Variants in SDK1 observed in about 807,000 individuals in gnomAD.
SDK1 encodes the protein sidekick cell adhesion molecule 1.
Under a neutral mutation model 245.5 loss-of-function variants are expected in SDK1, and 157 were observed. The ratio of observed to expected loss-of-function variants is 0.64; its 90% CI spans 0.56 to 0.73. SDK1 has a LOEUF of 0.73. Among genes scored for constraint, SDK1 ranks in the 30% least tolerant of loss-of-function variants. The pLI is 0.00. For synonymous variants in SDK1, 1,647 were observed against 1,278.5 expected (o/e 1.29, Z -6.15); for missense variants, 3,583 against 3,002.3 (o/e 1.19, Z -4.52).
intron 1 of SDK1, among the ~76,000 whole-genome samples, chr7:3,393,524 A>C (rs1415397844): frequency 6.6e-6 from 1 of 152,204 alleles, no homozygotes; most frequent in Non-Finnish European, 1.5e-5. Flanking sequence ...AGTCAAGTGA[A>C]AAACAACTCA....
At chr7:3,664,454 A>G (rs2128660480) in intron 4 of SDK1, among the ~76,000 whole-genome samples, 1 of 152,256 alleles carries the variant, frequency 6.6e-6, no homozygotes, top group Non-Finnish European at 1.5e-5. Flanking sequence ...TTTGAGAACT[A>G]GCATCCGGGC....
At chr7:4,234,265 C>T (rs1047296247) in intron 41 of SDK1, among the ~76,000 whole-genome samples, 1 of 152,204 alleles carries the variant, frequency 6.6e-6, no homozygotes, top group Non-Finnish European at 1.5e-5. Flanking sequence ...TTCACGTGCA[C>T]ACCTTCGCTG....
intron 5 of SDK1, among the ~76,000 whole-genome samples, chr7:3,888,742 T>C (rs1781392069): frequency 6.6e-6 from 1 of 152,202 alleles, no homozygotes; most frequent in Non-Finnish European, 1.5e-5. Flanking sequence ...CAAAAAATCC[T>C]GGGAGAAAAA....
In SDK1 at chr7:3,974,244, C is replaced by T. The variant is rs1177855227; in HGVS notation, c.1818-125C>T. The T allele has an allele frequency of 1.2e-5, 8 of 664,900 alleles. No homozygotes were observed. The Admixed American group carries it at 1.5e-4, about 13-fold the overall frequency. The allele number at this position is 664,900 out of a possible 1,614,324, so 41.2% of individuals were successfully genotyped here. A position where few individuals can be genotyped will look rare whatever the true frequency, so the allele number is the denominator to read the frequency against. On this transcript the variant is annotated intron_variant, in intron 12 of 44. Transcript: ENST00000404826. ...AGAAAAATCACTCTTTTAAAGAGCA[C>T]AGTTCAGTGGTTTTTAAAGTCCATT...
In SDK1 at chr7:3,769,916, G is replaced by T. The variant is rs10252145; in HGVS notation, c.714-51534G>T. Among the ~76,000 whole-genome samples, 700 of 150,424 alleles carry T rather than the reference G, an allele frequency of 4.7e-3. 6 individuals are homozygous for T. The highest frequency in any genetic ancestry group is 0.017 in the African/African-American group (677 of 40,568). ...AAAGTCAAACACTCAGATTTTCTCA[G>T]TGTTATTTGTACTTATTGTCTGTGT... On this transcript the variant is annotated intron_variant, in intron 4 of 44. Transcript: ENST00000404826.
chr7:4,143,542 G>A lies in SDK1; in HGVS notation c.4229-2180G>A, dbSNP rs140348584. Among the ~76,000 whole-genome samples, 334 of 152,238 alleles carry A rather than the reference G, an allele frequency of 2.2e-3. 1 individual carries two copies. Among genetic ancestry groups the A allele is most frequent in the African/African-American group, 7.9e-3 (327 of 41,530 alleles). On this transcript the variant is annotated intron_variant, in intron 28 of 44. Transcript: ENST00000404826. ...GGGAGAGGCTGCATGGCTCATCCAC[G>A]GTCACACAGTGAATGATTGGCAGAG...
intron 5 of SDK1, among the ~76,000 whole-genome samples, chr7:3,867,910 A>G (rs1417105434): frequency 1.6e-4 from 25 of 152,156 alleles, no homozygotes; most frequent in Admixed American, 1.6e-3. Flanking sequence ...TTCATGGAAG[A>G]AATAAATATC....
rs191297373 is a variant in SDK1, at chr7:3,562,930, G to A, written c.299-56150G>A. Among the ~76,000 whole-genome samples the A allele has an allele frequency of 8.1e-5, 7 of 86,810 alleles. No individual in the cohort carries two copies. In the East Asian group the frequency reaches 2.2e-3, roughly 27 times the overall value. The allele number at this position is 86,810 out of a possible 152,430, so 57.0% of individuals were successfully genotyped here. ...CAGCTACAAGAGATAGGGGAGGTAA[G>A]GGGGATCAAGTCCCCTGGCAAAGTT... On this transcript the variant is annotated intron_variant, in intron 1 of 44. Coordinates refer to ENST00000404826, the MANE Select transcript of SDK1 (RefSeq NM_152744.4).
chr7:3,979,844 A>G (rs1054556389), intron 13 of SDK1, among the ~76,000 whole-genome samples: 19 of 152,286 alleles, frequency 1.2e-4, no homozygotes, highest in Non-Finnish European at 2.5e-4. Flanking sequence ...GGATTGATTA[A>G]TTGTTAAATC....
At chr7:3,867,522 G>C (rs1780850360) in intron 5 of SDK1, among the ~76,000 whole-genome samples, 1 of 152,214 alleles carries the variant, frequency 6.6e-6, no homozygotes, top group Admixed American at 6.5e-5. Flanking sequence ...GGAGGGGCCA[G>C]TCACTTCTTA....
chr7:3,301,851 C>G lies in SDK1; in HGVS notation c.265C>G (p.Leu89Val). 8.8e-7 allele frequency: 1 copy of G among 1,135,028 alleles called. No homozygotes were observed. The allele number at this position is 1,135,028 out of a possible 1,614,324, so 70.3% of individuals were successfully genotyped here. A position where few individuals can be genotyped will look rare whatever the true frequency, so the allele number is the denominator to read the frequency against. ...GRRGWWALLALQLHLLRALAQ... is the reference protein window; with the variant it reads ...GRRGWWALLAVQLHLLRALAQ... Reference sequence around the variant, plus strand: ...CCGCGGCTGGTGGGCGCTGCTGGCGCTGCAGCTGCACTTGCTCCGGGCGCT... The same window carrying G: ...CCGCGGCTGGTGGGCGCTGCTGGCGGTGCAGCTGCACTTGCTCCGGGCGCT... The change falls in exon 1 of 45, where the codon CTG becomes GTG. Residue 89 changes from leucine (L) to valine (V), a missense_variant. By Grantham distance (32) the Leu-to-Val change is conservative. Transcript: ENST00000404826.
intron 1 of SDK1, among the ~76,000 whole-genome samples, chr7:3,398,104 C>T (rs561813583): frequency 5.3e-5 from 8 of 151,934 alleles, no homozygotes; most frequent in South Asian, 2.1e-4. Context: ...GTAGGTTTAA[C>T]GTTTTCTGTA....
intron 1 of SDK1, among the ~76,000 whole-genome samples, chr7:3,445,504 A>T (rs571604336): frequency 6.6e-6 from 1 of 152,296 alleles, no homozygotes; most frequent in Non-Finnish European, 1.5e-5. Context: ...TTAACTTTTT[A>T]TTTTGAAATA....
chr7:4,219,391 C>T (rs1429191374), intron 38 of SDK1, among the ~76,000 whole-genome samples: 1 of 152,208 alleles, frequency 6.6e-6, no homozygotes, highest in African/African-American at 2.4e-5. Context: ...AATGGACTCA[C>T]AGTTCCACAT....
intron 4 of SDK1, among the ~76,000 whole-genome samples, chr7:3,656,704 T>C (rs1376180734): frequency 6.6e-6 from 1 of 151,986 alleles, no homozygotes; most frequent in Non-Finnish European, 1.5e-5. Flanking sequence ...AGCCTGGTCT[T>C]ATCTGGTCTT....
chr7:3,819,404 C>T (rs1779589799), intron 4 of SDK1, among the ~76,000 whole-genome samples: 1 of 151,768 alleles, frequency 6.6e-6, no homozygotes, highest in Admixed American at 6.6e-5. Context: ...ATCGAGAATT[C>T]ATGGATATTT....
intron 4 of SDK1, among the ~76,000 whole-genome samples, chr7:3,676,343 T>TTGG (rs1325742706): frequency 7.7e-6 from 1 of 129,394 alleles, no homozygotes; most frequent in African/African-American, 3.1e-5. Context: ...TTTTTTTTTT[T>TTGG]GAGACGGAGT....
rs73674316 is a variant in SDK1 at position 3,851,405 on chromosome 7, G to C, written c.847+29822G>C. 3.5e-3 allele frequency among the ~76,000 whole-genome samples: 536 copies of C among 152,152 alleles called. 1 individual carries two copies. The highest frequency in any genetic ancestry group is 0.013 in the African/African-American group (524 of 41,496). ...AGTATTTAGCATATTTAAAATCTCA[G>C]TTAAAACTAATTTATACTTATATTT... On this transcript the variant is annotated intron_variant, in intron 5 of 44. Transcript: ENST00000404826.
intron 1 of SDK1, among the ~76,000 whole-genome samples, chr7:3,586,115 C>T (rs192458025): frequency 1.3e-5 from 2 of 151,086 alleles, no homozygotes; most frequent in African/African-American, 2.4e-5. Flanking sequence ...TGTGTAGAGT[C>T]GCTGGGGGAG....
Sources: allele counts gnomAD v4.1 joint callset (sites outside exome capture counted in the v4.1 genomes callset), GRCh38; gene constraint gnomAD v4.1.1; transcripts MANE v1.5; gene names NCBI Gene and HGNC (gene_info 2026-07-23, HGNC 2026-07-21).